TENM1: variants seen among roughly 807,000 people sequenced by gnomAD.
TENM1 encodes teneurin transmembrane protein 1.
Under a neutral mutation model 174.8 loss-of-function variants are expected in TENM1, and 35 were observed. The observed-to-expected ratio is 0.20, with a 90% CI of 0.15 to 0.27. TENM1 has a LOEUF of 0.27. Ranked by LOEUF, TENM1 falls within the 10% of genes least tolerant of loss-of-function variation. The pLI is 1.00. For synonymous variants in TENM1, 781 were observed against 798.7 expected (o/e 0.98, Z 0.37); for missense variants, 1,633 against 2,130.1 (o/e 0.77, Z 4.59).
intron 3 of TENM1, among the ~76,000 whole-genome samples, chrX:124,790,217 C>T (rs368886805): frequency 6.6e-4 from 74 of 112,031 alleles, no homozygotes; most frequent in African/African-American, 2.4e-3. Flanking sequence ...TCCCACAACA[C>T]ATGGGAATTA....
chrX:124,427,546 G>A (rs549267838), intron 23 of TENM1, among the ~76,000 whole-genome samples: 9 of 111,434 alleles, frequency 8.1e-5, no homozygotes, highest in South Asian at 7.6e-4. Flanking sequence ...TGATTTGGCC[G>A]GGCAGCTTGT....
chrX:124,382,810 T>C, exon 31 of TENM1: 2 of 1,192,268 alleles, frequency 1.7e-6, no homozygotes, highest in Admixed American at 2.4e-5. Context: ...CAACTTCTGA[T>C]GTCTGTGAGA....
At chrX:124,982,407 C>T in the TENM1 span, among the ~76,000 whole-genome samples, 4 of 111,323 alleles carry the variant, frequency 3.6e-5, no homozygotes, top group African/African-American at 1.3e-4. Context: ...ACCAACCCCT[C>T]CAGCTGACCC....
the TENM1 span, among the ~76,000 whole-genome samples, chrX:125,203,583 GCCC>G: frequency 8.9e-6 from 1 of 112,607 alleles, no homozygotes; most frequent in Non-Finnish European, 1.9e-5. Flanking sequence ...ATGGTCCAGA[GCCC>G]CATGGCCGGC....
chrX:125,161,430 C>T, the TENM1 span, among the ~76,000 whole-genome samples: 1 of 99,288 alleles, frequency 1.0e-5, no homozygotes, highest in African/African-American at 3.9e-5. Context: ...AAATGCAGAA[C>T]ACATAGAGGG....
chrX:125,074,256 C>CT, the TENM1 span, among the ~76,000 whole-genome samples: 1,798 of 109,407 alleles, frequency 0.016, 37 homozygotes, highest in African/African-American at 0.056. Context: ...TTTTATTTTT[C>CT]TTTCTTTTTT....
the TENM1 span, among the ~76,000 whole-genome samples, chrX:125,019,395 A>AATATG: frequency 9.0e-6 from 1 of 111,426 alleles, no homozygotes; most frequent in Non-Finnish European, 1.9e-5. Flanking sequence ...TTAAGCACCA[A>AATATG]ATATGAATAT....
intron 27 of TENM1, among the ~76,000 whole-genome samples, chrX:124,404,603 C>G (rs972103107): frequency 9.0e-6 from 1 of 111,228 alleles, no homozygotes; most frequent in Admixed American, 9.6e-5. Flanking sequence ...TGTCTCACAT[C>G]CTTTTGTGTG....
intron 3 of TENM1, among the ~76,000 whole-genome samples, chrX:124,786,829 A>C (rs1187014917): frequency 9.0e-6 from 1 of 111,684 alleles, no homozygotes; most frequent in African/African-American, 3.3e-5. Context: ...TAAGGCAAAA[A>C]GCAAGCCAGA....
chrX:124,457,056 C>T (rs1569532618), intron 22 of TENM1, among the ~76,000 whole-genome samples: 1 of 111,526 alleles, frequency 9.0e-6, no homozygotes, highest in Admixed American at 9.5e-5. Context: ...CTGATATTAC[C>T]ACAAGGTTAG....
the TENM1 span, among the ~76,000 whole-genome samples, chrX:125,069,762 T>TA: frequency 9.2e-6 from 1 of 109,157 alleles, no homozygotes; most frequent in African/African-American, 3.5e-5. Context: ...GAACTTAAAA[T>TA]AAAATAAAAA....
the TENM1 span, among the ~76,000 whole-genome samples, chrX:125,192,979 A>AT: frequency 9.1e-6 from 1 of 109,961 alleles, no homozygotes; most frequent in Non-Finnish European, 1.9e-5. Context: ...TTTTTCAGTT[A>AT]TTTTTTTTCC....
intron 6 of TENM1, among the ~76,000 whole-genome samples, chrX:124,665,672 A>G (rs888990503): frequency 2.7e-5 from 3 of 112,065 alleles, no homozygotes; most frequent in Admixed American, 1.9e-4. Flanking sequence ...TTGAACACTA[A>G]CGCATAGTGT....
chrX:124,561,037 A>G (rs1204996088), intron 14 of TENM1, among the ~76,000 whole-genome samples: 1 of 111,517 alleles, frequency 9.0e-6, no homozygotes, highest in African/African-American at 3.3e-5. Flanking sequence ...CCTTGATTAA[A>G]TATTTAAAAT....
At chrX:124,620,458 A>T (rs1012508676) in intron 11 of TENM1, among the ~76,000 whole-genome samples, 1 of 112,126 alleles carries the variant, frequency 8.9e-6, no homozygotes, top group African/African-American at 3.2e-5. Context: ...CCTTGTGGAG[A>T]TATTAAATAC....
chrX:124,798,239 T>C (rs1346929282), intron 3 of TENM1, among the ~76,000 whole-genome samples: 3 of 111,659 alleles, frequency 2.7e-5, no homozygotes, highest in African/African-American at 9.8e-5. Context: ...ATGGTATTTC[T>C]GGTACTAGAT....
chrX:124,563,300 C>A (rs2048862572), intron 13 of TENM1, among the ~76,000 whole-genome samples: 1 of 109,247 alleles, frequency 9.2e-6, no homozygotes, highest in Non-Finnish European at 1.9e-5. Context: ...ACTTAGGAGT[C>A]CTTGTATATG....
At chrX:124,563,113 A>T (rs1270409389) in intron 13 of TENM1, among the ~76,000 whole-genome samples, 1 of 111,450 alleles carries the variant, frequency 9.0e-6, no homozygotes, top group African/African-American at 3.3e-5. Context: ...GATAGGCAAT[A>T]GATAATTAAG....
At chrX:124,464,263 GAA>G (rs781719848) in intron 22 of TENM1, among the ~76,000 whole-genome samples, 18 of 111,593 alleles carry the variant, frequency 1.6e-4, no homozygotes, top group Middle Eastern at 4.7e-3. Flanking sequence ...GCACTCTAGG[GAA>G]AATGAGTCTA....
Sources: gnomAD v4.1 joint callset for allele counts (sites outside exome capture counted in the v4.1 genomes callset) on GRCh38, gnomAD v4.1.1 for gene constraint, MANE v1.5 for transcripts, NCBI Gene and HGNC (gene_info 2026-07-23, HGNC 2026-07-21) for gene names.